FGF12: variants seen among roughly 807,000 people sequenced by gnomAD.
The protein encoded by FGF12 is fibroblast growth factor 12, also known as fibroblast growth factor 12B.
Under a neutral mutation model 23.6 loss-of-function variants are expected in FGF12, and 14 were observed. The ratio of observed to expected loss-of-function variants is 0.59; its 90% CI spans 0.39 to 0.93. The LOEUF (loss-of-function observed/expected upper bound fraction) is 0.93, where lower values mean the gene tolerates loss of function less well. FGF12 is among the 40% of genes least tolerant of loss of function. The probability of loss-of-function intolerance (pLI) is 0.00; values close to 1 mark genes in which losing one functional copy is unlikely to be tolerated. For synonymous variants in FGF12, 62 were observed against 77.3 expected (o/e 0.80, Z 1.04); for missense variants, 175 against 217.8 (o/e 0.80, Z 1.24).
At chr3:192,670,896 G>C (rs796371203) in intron 2 of FGF12, among the ~76,000 whole-genome samples, 4 of 152,326 alleles carry the variant, frequency 2.6e-5, no homozygotes, top group African/African-American at 9.6e-5. Flanking sequence ...AAGGTGAGTA[G>C]ATGTTTTCCA....
At chr3:192,228,831 G>T (rs552525217) in intron 4 of FGF12, among the ~76,000 whole-genome samples, 1 of 152,034 alleles carries the variant, frequency 6.6e-6, no homozygotes, top group African/African-American at 2.4e-5. Flanking sequence ...AAATTATTCC[G>T]TACAACTTTT....
At chr3:192,265,442 A>G (rs1713021614) in intron 4 of FGF12, 1 of 152,148 alleles carries the variant, frequency 6.6e-6, no homozygotes, top group African/African-American at 2.4e-5. Flanking sequence ...TCCCTTAATT[A>G]TTTCTCATGA....
At chr3:192,368,280 T>C (rs866705829) in intron 2 of FGF12, among the ~76,000 whole-genome samples, 12 of 152,124 alleles carry the variant, frequency 7.9e-5, no homozygotes, top group Middle Eastern at 3.2e-3. Context: ...CCAATGAATA[T>C]AACTGAGGAT....
intron 2 of FGF12, among the ~76,000 whole-genome samples, chr3:192,394,920 C>T (rs1720455082): frequency 6.6e-6 from 1 of 152,114 alleles, no homozygotes; most frequent in African/African-American, 2.4e-5. Flanking sequence ...ACTGTATTTC[C>T]CCATCACTTA....
At chr3:192,558,009 G>C (rs1438250344) in intron 2 of FGF12, among the ~76,000 whole-genome samples, 1 of 151,768 alleles carries the variant, frequency 6.6e-6, no homozygotes, top group Non-Finnish European at 1.5e-5. Context: ...AGATCTGTAA[G>C]AAGGCAAAAA....
intron 2 of FGF12, among the ~76,000 whole-genome samples, chr3:192,556,371 T>C (rs932624604): frequency 2.0e-5 from 3 of 152,162 alleles, no homozygotes; most frequent in Non-Finnish European, 2.9e-5. Flanking sequence ...ATGGTAACCA[T>C]ATTTATTTAA....
intron 4 of FGF12, among the ~76,000 whole-genome samples, chr3:192,282,357 T>G (rs1026537329): frequency 1.3e-5 from 2 of 152,138 alleles, no homozygotes; most frequent in African/African-American, 4.8e-5. Flanking sequence ...AATTACTAGA[T>G]TCTTAAATAC....
chr3:192,623,222 G>C (rs62293024), intron 2 of FGF12, among the ~76,000 whole-genome samples: 23,530 of 152,152 alleles, frequency 0.15, 2,031 homozygotes, highest in African/African-American at 0.23. Context: ...AGTGAAGTCA[G>C]TACCAAATGG....
intron 2 of FGF12, among the ~76,000 whole-genome samples, chr3:192,504,623 C>T (rs1009913734): frequency 1.3e-5 from 2 of 152,172 alleles, no homozygotes; most frequent in African/African-American, 2.4e-5. Flanking sequence ...AGGCTGGCCA[C>T]AGGCTGGACA....
At chr3:192,331,481 G>C (rs191464496) in intron 4 of FGF12, among the ~76,000 whole-genome samples, 1 of 151,956 alleles carries the variant, frequency 6.6e-6, no homozygotes, top group South Asian at 2.1e-4. Flanking sequence ...TGCAGAATGC[G>C]TATAACATAC....
At chr3:192,563,451 G>T (rs1712135812) in intron 2 of FGF12, among the ~76,000 whole-genome samples, 1 of 152,128 alleles carries the variant, frequency 6.6e-6, no homozygotes, top group Non-Finnish European at 1.5e-5. Flanking sequence ...TTTGTTACCA[G>T]CTGCTGCCAA....
At chr3:192,255,178 A>G (rs983198565) in intron 4 of FGF12, among the ~76,000 whole-genome samples, 14 of 152,076 alleles carry the variant, frequency 9.2e-5, no homozygotes, top group Non-Finnish European at 1.9e-4. Context: ...AGGAAGGATT[A>G]ATAGAAATAC....
In FGF12 at chr3:192,725,284, GT is replaced by G. The variant is rs34196239; in HGVS notation, c.13+1896del. Among the ~76,000 whole-genome samples the G allele has an allele frequency of 7.8e-4, 112 of 143,418 alleles. 1 individual carries two copies. The highest frequency in any genetic ancestry group is 1.1e-3 in the South Asian group (5 of 4,446). 94.1% of individuals were successfully genotyped at this position (143,418 alleles called of 152,430 possible). A position where few individuals can be genotyped will look rare whatever the true frequency, so the allele number is the denominator to read the frequency against. On this transcript the variant is annotated intron_variant, in intron 2 of 5. Transcript: ENST00000445105. Reference sequence around the variant, plus strand: ...TAACATGCATAAAGACTTTCATCATGTTTTTTTTTTTTTTCAGAGGCAATTA... The same window carrying G: ...TAACATGCATAAAGACTTTCATCATGTTTTTTTTTTTTTCAGAGGCAATTA...
chr3:192,538,238 G>A (rs949552308), intron 2 of FGF12, among the ~76,000 whole-genome samples: 32 of 151,392 alleles, frequency 2.1e-4, no homozygotes, highest in African/African-American at 7.0e-4. Context: ...ATGAGCCACC[G>A]CACCAGGCCT....
chr3:192,238,596 C>A (rs1719429951), intron 4 of FGF12: 1 of 152,138 alleles, frequency 6.6e-6, no homozygotes, highest in South Asian at 2.1e-4. Flanking sequence ...AGAAAGACTT[C>A]AATTATTTTA....
intron 2 of FGF12, chr3:192,726,878 T>A: frequency 2.1e-6 from 1 of 466,410 alleles, no homozygotes; most frequent in Non-Finnish European, 3.8e-6. Flanking sequence ...AGATATTGCT[T>A]TACTAACACA....
chr3:192,406,155 A>G (rs1022668404), intron 2 of FGF12, among the ~76,000 whole-genome samples: 1 of 152,170 alleles, frequency 6.6e-6, no homozygotes, highest in African/African-American at 2.4e-5. Context: ...ATGCTAAGGA[A>G]GAGCCCACAG....
At chr3:192,529,882 T>C (rs1187699863) in intron 2 of FGF12, among the ~76,000 whole-genome samples, 1 of 152,196 alleles carries the variant, frequency 6.6e-6, no homozygotes. Flanking sequence ...ATATGGGAAT[T>C]CAAGATGAGA....
intron 2 of FGF12, chr3:192,407,987 TC>T (rs1411799277): frequency 6.5e-7 from 1 of 1,543,572 alleles, no homozygotes; most frequent in East Asian, 2.3e-5. Flanking sequence ...AAAGAGGGCG[TC>T]CCCTCTGGGG....
Sources: allele counts gnomAD v4.1 joint callset (sites outside exome capture counted in the v4.1 genomes callset), GRCh38; gene constraint gnomAD v4.1.1; transcripts MANE v1.5; gene names NCBI Gene and HGNC (gene_info 2026-07-23, HGNC 2026-07-21).